The following MAF variants were observed in gnomAD, a reference collection of about 807,000 sequenced individuals.
MAF encodes transcription factor Maf.
A neutral mutation model predicts 22.0 loss-of-function variants in MAF; 10 were observed. That is an observed-to-expected ratio of 0.45 (90% CI 0.28 to 0.77). The LOEUF (loss-of-function observed/expected upper bound fraction) is 0.77, where lower values mean the gene tolerates loss of function less well. MAF is among the 30% of genes least tolerant of loss of function. The pLI is 0.12. For missense variants in MAF, 544 were observed against 548.4 expected, an observed-to-expected ratio of 0.99 and a Z score of 0.08; for synonymous variants, 337 against 255.8, an observed-to-expected ratio of 1.32 and a Z score of -3.03.
chr16:79,481,238 T>TC, the MAF span, among the ~76,000 whole-genome samples: 2 of 151,790 alleles, frequency 1.3e-5, no homozygotes, highest in Non-Finnish European at 2.9e-5. Flanking sequence ...ACAACAGTTT[T>TC]TTTTTTTTAA....
chr16:79,410,764 A>G, the MAF span, among the ~76,000 whole-genome samples: 1 of 152,236 alleles, frequency 6.6e-6, no homozygotes, highest in African/African-American at 2.4e-5. Flanking sequence ...GAGAAAGGAA[A>G]GAGCCTGGAC....
At chr16:79,374,259 G>A in the MAF span, among the ~76,000 whole-genome samples, 1 of 152,104 alleles carries the variant, frequency 6.6e-6, no homozygotes, top group East Asian at 1.9e-4. Flanking sequence ...TGGAATTAAT[G>A]GTGCCATTTT....
chr16:79,418,084 G>C, the MAF span, among the ~76,000 whole-genome samples: 1 of 152,088 alleles, frequency 6.6e-6, no homozygotes, highest in Admixed American at 6.5e-5. Context: ...TACATCTCAA[G>C]TGTGCAACTG....
At chr16:79,212,877 C>G in the MAF span, 6 of 151,594 alleles carry the variant, frequency 4.0e-5, no homozygotes, top group Non-Finnish European at 5.9e-5. Flanking sequence ...AGTTGTCTCA[C>G]GCGATTAGCA....
At chr16:79,457,737 G>C in the MAF span, among the ~76,000 whole-genome samples, 2 of 152,104 alleles carry the variant, frequency 1.3e-5, no homozygotes, top group Admixed American at 6.6e-5. Context: ...TGAGGATTAA[G>C]CTTAATATTT....
the MAF span, among the ~76,000 whole-genome samples, chr16:79,568,124 G>C: frequency 6.6e-6 from 1 of 152,308 alleles, no homozygotes; most frequent in Admixed American, 6.5e-5. Context: ...GGAAGAGGGA[G>C]TCTGTTTCTC....
the MAF span, among the ~76,000 whole-genome samples, chr16:79,242,177 T>A: frequency 6.6e-6 from 1 of 151,840 alleles, no homozygotes; most frequent in Admixed American, 6.6e-5. Context: ...AGGATCAAAT[T>A]CACACATAAC....
chr16:79,303,058 C>A, the MAF span, among the ~76,000 whole-genome samples: 14 of 152,224 alleles, frequency 9.2e-5, no homozygotes, highest in Admixed American at 9.2e-4. Context: ...GCAAATGGCA[C>A]GATTTTCCAT....
At chr16:79,480,770 G>A in the MAF span, among the ~76,000 whole-genome samples, 16 of 152,306 alleles carry the variant, frequency 1.1e-4, no homozygotes, top group South Asian at 3.3e-3. Context: ...CATGGAAGGT[G>A]AGTGTAGAAT....
the MAF span, among the ~76,000 whole-genome samples, chr16:79,254,970 T>C: frequency 2.6e-5 from 4 of 152,196 alleles, no homozygotes; most frequent in Admixed American, 2.0e-4. Flanking sequence ...TTCATGAGTG[T>C]GTTGCAAAGT....
chr16:79,496,721 A>G, the MAF span, among the ~76,000 whole-genome samples: 7 of 152,328 alleles, frequency 4.6e-5, no homozygotes, highest in South Asian at 8.3e-4. Flanking sequence ...AAGCACATTT[A>G]ATAAACAATG....
chr16:79,590,732 C>T (rs886729869), downstream of MAF, among the ~76,000 whole-genome samples: 1 of 151,982 alleles, frequency 6.6e-6, no homozygotes, highest in Non-Finnish European at 1.5e-5. Context: ...TGACCTGGAG[C>T]TGACCCCTGG....
At chr16:79,208,647 G>C in the MAF span, among the ~76,000 whole-genome samples, 1 of 144,908 alleles carries the variant, frequency 6.9e-6, no homozygotes, top group Non-Finnish European at 1.5e-5. Flanking sequence ...TTTTTAATCA[G>C]TTTAAGAATG....
At chr16:79,257,674 G>T in the MAF span, among the ~76,000 whole-genome samples, 12 of 152,146 alleles carry the variant, frequency 7.9e-5, no homozygotes, top group Non-Finnish European at 1.8e-4. Flanking sequence ...TAACATCTAT[G>T]TCATCCCATA....
the MAF span, among the ~76,000 whole-genome samples, chr16:79,454,160 T>C: frequency 1.3e-5 from 2 of 152,316 alleles, no homozygotes; most frequent in South Asian, 4.1e-4. Context: ...TTCTAAGAGA[T>C]TAAGCGATTG....
At chr16:79,513,755 G>C in the MAF span, among the ~76,000 whole-genome samples, 1 of 152,178 alleles carries the variant, frequency 6.6e-6, no homozygotes, top group Non-Finnish European at 1.5e-5. Context: ...AAAGCGCTTA[G>C]CTGAGAACCT....
chr16:79,539,273 C>T, the MAF span, among the ~76,000 whole-genome samples: 4 of 152,154 alleles, frequency 2.6e-5, no homozygotes, highest in Non-Finnish European at 5.9e-5. Flanking sequence ...GGAGGCCGAG[C>T]CGGGTGGATA....
chr16:79,416,840 A>G, the MAF span, among the ~76,000 whole-genome samples: 1 of 152,184 alleles, frequency 6.6e-6, no homozygotes, highest in Non-Finnish European at 1.5e-5. Context: ...CTTCATGGGT[A>G]AAGGGGAGAC....
At chr16:79,447,548 T>A in the MAF span, among the ~76,000 whole-genome samples, 1 of 152,122 alleles carries the variant, frequency 6.6e-6, no homozygotes, top group African/African-American at 2.4e-5. Flanking sequence ...ATAGCTGCTA[T>A]AAGTAGTGAC....
Sources: gnomAD v4.1 joint callset for allele counts (sites outside exome capture counted in the v4.1 genomes callset) on GRCh38, gnomAD v4.1.1 for gene constraint, MANE v1.5 for transcripts, NCBI Gene and HGNC (gene_info 2026-07-23, HGNC 2026-07-21) for gene names.